ARMC3: variants seen among roughly 807,000 people sequenced by gnomAD.
ARMC3 encodes armadillo repeat containing 3.
In ARMC3, 74 loss-of-function variants were observed where a neutral mutation model predicts 90.3. The ratio of observed to expected loss-of-function variants is 0.82; its 90% confidence interval spans 0.68 to 0.99. The LOEUF (loss-of-function observed/expected upper bound fraction) is 0.99. ARMC3 is among the 50% of genes least tolerant of loss of function. ARMC3 has a pLI of 0.00. For missense variants in ARMC3, 958 were observed against 1,042.8 expected, an observed-to-expected ratio of 0.92 and a Z score of 1.12; for synonymous variants, 334 against 361.8, an observed-to-expected ratio of 0.92 and a Z score of 0.87.
At chr10:23,010,223 C>T (rs1241386353) in intron 16 of ARMC3, among the ~76,000 whole-genome samples, 1 of 147,588 alleles carries the variant, frequency 6.8e-6, no homozygotes, top group Non-Finnish European at 1.5e-5. Flanking sequence ...TTTGTCCTTC[C>T]CTTCCCTCCT....
At chr10:22,988,682 C>T (rs1836569563) in intron 10 of ARMC3, among the ~76,000 whole-genome samples, 1 of 152,148 alleles carries the variant, frequency 6.6e-6, no homozygotes, top group African/African-American at 2.4e-5. Context: ...ACCACAAGTT[C>T]CACTTTTCCT....
intron 3 of ARMC3, among the ~76,000 whole-genome samples, chr10:22,946,861 CA>C (rs1336455584): frequency 6.6e-6 from 1 of 152,152 alleles, no homozygotes; most frequent in Non-Finnish European, 1.5e-5. Context: ...GCTAGGTGAT[CA>C]AAATCAACAC....
intron 5 of ARMC3, 38 bp downstream of exon 5, chr10:22,959,176 C>G: frequency 6.5e-7 from 1 of 1,548,558 alleles, no homozygotes; most frequent in Non-Finnish European, 8.9e-7. Context: ...AAAAATGGAA[C>G]TGGTTTTTTA....
At chr10:22,929,027 G>C (rs947837134) in intron 1 of ARMC3, among the ~76,000 whole-genome samples, 3 of 152,112 alleles carry the variant, frequency 2.0e-5, no homozygotes, top group African/African-American at 7.2e-5. Flanking sequence ...AGGAGTTCGA[G>C]ACCAACCTGG....
At chr10:22,994,252 G>A (rs1275119696) in intron 10 of ARMC3, among the ~76,000 whole-genome samples, 1 of 152,190 alleles carries the variant, frequency 6.6e-6, no homozygotes, top group East Asian at 1.9e-4. Flanking sequence ...GCGCAGGGGA[G>A]CCCTGATGTG....
At chr10:23,024,369 G>T (rs2131545846) in intron 16 of ARMC3, among the ~76,000 whole-genome samples, 1 of 151,486 alleles carries the variant, frequency 6.6e-6, no homozygotes, top group East Asian at 1.9e-4. Flanking sequence ...AATCTGGAAG[G>T]ATTAGGAAGA....
rs991961842 is a variant in ARMC3 at position 22,991,422 on chromosome 10, T to C, written c.1176-6726T>C. On this transcript the variant is annotated intron_variant, in intron 10 of 18. Transcript: ENST00000298032. ...CCCAAAATACAGGGAACTTACCACC[T>C]TGACTGTAGGTTTTTTTTTGTTTTT... is the stretch of plus-strand genomic sequence containing the variant. Among the ~76,000 whole-genome samples the C allele has an allele frequency of 3.9e-5, 6 of 152,226 alleles. No homozygotes were observed. In the East Asian group the frequency reaches 1.2e-3, roughly 29 times the overall value.
chr10:23,025,349 T>A (rs1375358591), intron 16 of ARMC3, among the ~76,000 whole-genome samples: 1 of 151,668 alleles, frequency 6.6e-6, no homozygotes, highest in Admixed American at 6.6e-5. Flanking sequence ...CCCTGAGCCA[T>A]AAAAAAAACC....
At chr10:23,009,555 C>A (rs1837815766) in intron 16 of ARMC3, among the ~76,000 whole-genome samples, 1 of 152,102 alleles carries the variant, frequency 6.6e-6, no homozygotes, top group Non-Finnish European at 1.5e-5. Context: ...GCAGTGGCAC[C>A]ATCTCCCATC....
chr10:23,009,671 G>C (rs1837821099), intron 16 of ARMC3, among the ~76,000 whole-genome samples: 2 of 152,084 alleles, frequency 1.3e-5, no homozygotes, highest in African/African-American at 4.8e-5. Flanking sequence ...GCTAATTTTT[G>C]TATTTTTATT....
intron 16 of ARMC3, among the ~76,000 whole-genome samples, chr10:23,010,933 T>TAC (rs1554785216): frequency 0.72 from 30,185 of 41,858 alleles, 13,270 homozygotes; most frequent in Non-Finnish European, 0.82. Context: ...CCCTCCCCCT[T>TAC]CCTTCCTTTC....
chr10:23,030,886 T>C, intron 17 of ARMC3, 90 bp downstream of exon 17: 2 of 1,384,148 alleles, frequency 1.4e-6, no homozygotes, highest in Non-Finnish European at 1.9e-6. Context: ...AAATACACCA[T>C]AAATAAAATT....
At chr10:22,944,538 A>G (rs1169877099) in intron 2 of ARMC3, among the ~76,000 whole-genome samples, 1 of 152,106 alleles carries the variant, frequency 6.6e-6, no homozygotes, top group African/African-American at 2.4e-5. Flanking sequence ...TGTTTCTGCC[A>G]TATGTTTTGC....
At chr10:22,979,312 A>C (rs1836082959) in intron 8 of ARMC3, among the ~76,000 whole-genome samples, 1 of 152,250 alleles carries the variant, frequency 6.6e-6, no homozygotes, top group South Asian at 2.1e-4. Context: ...ATTCAAGGAA[A>C]GTATTTGGTT....
chr10:23,036,356 G>A (rs1474305240), intron 18 of ARMC3, among the ~76,000 whole-genome samples: 1 of 152,074 alleles, frequency 6.6e-6, no homozygotes, highest in Non-Finnish European at 1.5e-5. Context: ...TCATTATATT[G>A]TCAGTAATAA....
At chr10:22,987,146 A>T (rs182774430) in intron 10 of ARMC3, among the ~76,000 whole-genome samples, 1 of 152,306 alleles carries the variant, frequency 6.6e-6, no homozygotes, top group East Asian at 1.9e-4. Flanking sequence ...GCCTTTTGAA[A>T]ACGAGAAAAC....
In ARMC3 at chr10:23,037,529, A is replaced by T; in HGVS notation, c.*50A>T. On this transcript the variant is annotated 3_prime_UTR_variant, in exon 19 of 19. Coordinates refer to ENST00000298032, the MANE Select transcript of ARMC3 (RefSeq NM_173081.5). Reference sequence around the variant, plus strand: ...CTCAAACAAGAAATTCACTGTGTACACTCTCTAAGACATTCTCCAAATTGA... The same window carrying T: ...CTCAAACAAGAAATTCACTGTGTACTCTCTCTAAGACATTCTCCAAATTGA... 7.4e-7 allele frequency: 1 copy of T among 1,354,758 alleles called. No homozygotes were observed. The highest frequency in any genetic ancestry group is 9.9e-7 in the Non-Finnish European group (1 of 1,005,042). The allele number at this position is 1,354,758 out of a possible 1,614,324, so 83.9% of individuals were successfully genotyped here.
intron 8 of ARMC3, among the ~76,000 whole-genome samples, chr10:22,975,428 A>G (rs931032279): frequency 6.6e-6 from 1 of 152,076 alleles, no homozygotes; most frequent in African/African-American, 2.4e-5. Flanking sequence ...AGCCAGGTGT[A>G]GTGATACATG....
chr10:22,997,240 A>G lies in ARMC3; in HGVS notation c.1176-908A>G, dbSNP rs546540738. 9 of 152,346 alleles carry G rather than the reference A, an allele frequency of 5.9e-5. No individual in the cohort carries two copies. In the South Asian group the frequency reaches 1.2e-3, roughly 21 times the overall value. The allele number at this position is 152,346 out of a possible 1,614,324, so 9.4% of individuals were successfully genotyped here. On this transcript the variant is annotated intron_variant, in intron 10 of 18. Coordinates refer to ENST00000298032, the MANE Select transcript of ARMC3 (RefSeq NM_173081.5). ...CTATGAGCTTTAAACTGATTTAAAA[A>G]TAAGGACAGCTGGTGTCTGGAGCCC...
Sources: allele counts gnomAD v4.1 joint callset (sites outside exome capture counted in the v4.1 genomes callset), GRCh38; gene constraint gnomAD v4.1.1; transcripts MANE v1.5; gene names NCBI Gene and HGNC (gene_info 2026-07-23, HGNC 2026-07-21).